Variants in EYA1 observed in about 807,000 individuals in gnomAD.
EYA1 encodes protein phosphatase EYA1.
EYA1 carries 16 observed loss-of-function variants against 82.0 expected under a neutral mutation model. That is an observed-to-expected ratio of 0.20 (90% CI 0.13 to 0.30). The LOEUF is 0.30. Ranked by LOEUF, EYA1 falls within the 10% of genes least tolerant of loss-of-function variation. The pLI is 1.00. For synonymous variants in EYA1, 261 were observed against 264.4 expected, an observed-to-expected ratio of 0.99 and a Z score of 0.12; for missense variants, 633 against 730.7, an observed-to-expected ratio of 0.87 and a Z score of 1.54.
chr8:71,315,195 GAAA>G (rs1240238030), intron 7 of EYA1, among the ~76,000 whole-genome samples: 1 of 151,572 alleles, frequency 6.6e-6, no homozygotes, highest in East Asian at 1.9e-4. Flanking sequence ...ACTTCTAAAA[GAAA>G]AAAAATTTTC....
chr8:71,351,574 C>T (rs1563516481), intron 3 of EYA1, among the ~76,000 whole-genome samples: 1 of 152,104 alleles, frequency 6.6e-6, no homozygotes, highest in Non-Finnish European at 1.5e-5. Context: ...ACTATTATAA[C>T]TGAAGAACAT....
At chr8:71,354,038 T>C (rs1826585844) in intron 3 of EYA1, among the ~76,000 whole-genome samples, 1 of 152,188 alleles carries the variant, frequency 6.6e-6, no homozygotes, top group South Asian at 2.1e-4. Flanking sequence ...AGTACCTAAA[T>C]GACTGTATAA....
intron 11 of EYA1, among the ~76,000 whole-genome samples, chr8:71,265,799 G>A (rs1479260673): frequency 1.3e-5 from 2 of 152,128 alleles, no homozygotes; most frequent in Admixed American, 1.3e-4. Context: ...AAACAGCTAG[G>A]TCAGATACTA....
At chr8:71,510,288 A>G (rs925927685) in intron 2 of EYA1, among the ~76,000 whole-genome samples, 16 of 152,184 alleles carry the variant, frequency 1.1e-4, no homozygotes, top group African/African-American at 3.9e-4. Context: ...TGTCCAGCTG[A>G]ACCCAGCCCT....
chr8:71,261,584 C>A (rs952903841), intron 11 of EYA1, among the ~76,000 whole-genome samples: 2 of 152,150 alleles, frequency 1.3e-5, no homozygotes, highest in African/African-American at 2.4e-5. Context: ...GACTCCCTTT[C>A]AACACCATGA....
At chr8:71,406,086 T>C (rs1316243220) in intron 2 of EYA1, among the ~76,000 whole-genome samples, 1 of 152,210 alleles carries the variant, frequency 6.6e-6, no homozygotes, top group Admixed American at 6.5e-5. Context: ...CAGCAAATTG[T>C]ATCCACTACA....
intron 9 of EYA1, among the ~76,000 whole-genome samples, chr8:71,285,250 C>A (rs1818239088): frequency 6.6e-6 from 1 of 152,254 alleles, no homozygotes; most frequent in Non-Finnish European, 1.5e-5. Context: ...TCTTAGTAAC[C>A]TTTATCAATA....
At chr8:71,448,041 C>T (rs1807042726) in intron 2 of EYA1, among the ~76,000 whole-genome samples, 1 of 75,580 alleles carries the variant, frequency 1.3e-5, no homozygotes. Flanking sequence ...CTCCGTTGCC[C>T]AGGCTGCAGT....
chr8:71,517,289 T>G (rs1054069683), intron 2 of EYA1, among the ~76,000 whole-genome samples: 6 of 152,032 alleles, frequency 3.9e-5, no homozygotes, highest in African/African-American at 1.4e-4. Flanking sequence ...AGCGCTCAGA[T>G]TCAAATGCCC....
intron 2 of EYA1, among the ~76,000 whole-genome samples, chr8:71,510,156 G>C (rs1001853360): frequency 6.6e-6 from 1 of 152,096 alleles, no homozygotes; most frequent in Admixed American, 6.6e-5. Flanking sequence ...GGCTTTAAAT[G>C]TACTCATTTT....
chr8:71,433,125 A>G (rs940533025), intron 2 of EYA1, among the ~76,000 whole-genome samples: 2 of 152,202 alleles, frequency 1.3e-5, no homozygotes, highest in African/African-American at 4.8e-5. Context: ...CACAGATGAC[A>G]CACACCTTTA....
chr8:71,406,141 A>C (rs1436043761), intron 2 of EYA1, among the ~76,000 whole-genome samples: 1 of 152,254 alleles, frequency 6.6e-6, no homozygotes, highest in African/African-American at 2.4e-5. Context: ...ATAAAGCTGT[A>C]AAACAACAGC....
intron 2 of EYA1, chr8:71,535,650 G>T: frequency 1.1e-6 from 1 of 919,456 alleles, no homozygotes; most frequent in South Asian, 1.7e-5. Flanking sequence ...CAGAGCTTTT[G>T]ACAATCTTCC....
intron 17 of EYA1, among the ~76,000 whole-genome samples, chr8:71,203,596 C>T (rs139920478): frequency 3.3e-5 from 5 of 152,102 alleles, no homozygotes; most frequent in African/African-American, 4.8e-5. Context: ...TGTGTAAAAT[C>T]GTAGAGATGT....
At chr8:71,333,652 C>G (rs1187654525) in intron 4 of EYA1, among the ~76,000 whole-genome samples, 1 of 152,166 alleles carries the variant, frequency 6.6e-6, no homozygotes, top group African/African-American at 2.4e-5. Context: ...TGCTGCTTTA[C>G]AGAGTCTATT....
At chr8:71,294,442 A>G (rs2120996) in intron 9 of EYA1, among the ~76,000 whole-genome samples, 71,815 of 151,548 alleles carry the variant, frequency 0.47, 17,592 homozygotes, top group East Asian at 0.71. Flanking sequence ...CTGGGCGACA[A>G]GGAGACTCCG....
intron 12 of EYA1, among the ~76,000 whole-genome samples, chr8:71,239,411 A>T (rs2128895096): frequency 6.6e-6 from 1 of 152,326 alleles, no homozygotes; most frequent in East Asian, 1.9e-4. Context: ...CTAAGACAAC[A>T]CATAACAATT....
chr8:71,327,067 T>A (rs1331518268), intron 4 of EYA1, among the ~76,000 whole-genome samples: 1 of 152,202 alleles, frequency 6.6e-6, no homozygotes, highest in East Asian at 1.9e-4. Flanking sequence ...TTGATCAGCT[T>A]TTGTTTTCTT....
At chr8:71,386,753 G>C (rs1828987746) in intron 2 of EYA1, among the ~76,000 whole-genome samples, 1 of 152,200 alleles carries the variant, frequency 6.6e-6, no homozygotes, top group Admixed American at 6.5e-5. Context: ...TGGGTACAGA[G>C]GAAGAAATTG....
Sources: gnomAD v4.1 joint callset for allele counts (sites outside exome capture counted in the v4.1 genomes callset) on GRCh38, gnomAD v4.1.1 for gene constraint, MANE v1.5 for transcripts, NCBI Gene and HGNC (gene_info 2026-07-23, HGNC 2026-07-21) for gene names.